The following ANO3 variants were observed in gnomAD, a reference collection of about 807,000 sequenced individuals.
The protein encoded by ANO3 is anoctamin-3.
A neutral mutation model predicts 144.8 loss-of-function variants in ANO3; 99 were observed. That is an observed-to-expected ratio of 0.68 (90% CI 0.58 to 0.81). The LOEUF (loss-of-function observed/expected upper bound fraction) is 0.81. ANO3 is among the 30% of genes least tolerant of loss of function. ANO3 has a pLI of 0.00. For missense variants in ANO3, 905 were observed against 1,202.2 expected (o/e 0.75, Z 3.66); for synonymous variants, 414 against 392.6 (o/e 1.05, Z -0.64).
upstream of ANO3, among the ~76,000 whole-genome samples, chr11:26,305,361 T>C (rs568405607): frequency 1.3e-5 from 2 of 152,226 alleles, no homozygotes; most frequent in African/African-American, 4.8e-5. Context: ...CTGGCCTTCC[T>C]TCCCAAAACT....
chr11:26,456,232 A>G (rs1355146605), intron 3 of ANO3, among the ~76,000 whole-genome samples: 1 of 152,216 alleles, frequency 6.6e-6, no homozygotes, highest in East Asian at 1.9e-4. Context: ...ATGGGATCTA[A>G]TTAAACTAAA....
intron 3 of ANO3, among the ~76,000 whole-genome samples, chr11:26,454,536 G>C (rs937821543): frequency 6.6e-6 from 1 of 152,120 alleles, no homozygotes; most frequent in African/African-American, 2.4e-5. Context: ...GGAAGAAGTT[G>C]AATCTCTGAA....
intron 1 of ANO3, among the ~76,000 whole-genome samples, chr11:26,227,306 G>T (rs2133798483): frequency 6.6e-6 from 1 of 152,226 alleles, no homozygotes; most frequent in South Asian, 2.1e-4. Context: ...GCATTTGCTA[G>T]ACTTCATTTT....
chr11:26,499,100 T>C (rs910199702), intron 4 of ANO3, among the ~76,000 whole-genome samples: 1 of 151,976 alleles, frequency 6.6e-6, no homozygotes. Context: ...ATTTCTTCTT[T>C]TATTAAATAC....
intron 1 of ANO3, among the ~76,000 whole-genome samples, chr11:26,190,025 T>C (rs1851445164): frequency 1.3e-5 from 2 of 152,166 alleles, no homozygotes; most frequent in South Asian, 2.1e-4. Context: ...AGTGAATTAA[T>C]TGTGCTTTGT....
intron 1 of ANO3, among the ~76,000 whole-genome samples, chr11:26,347,995 A>G (rs772272599): frequency 3.3e-5 from 5 of 152,194 alleles, no homozygotes; most frequent in African/African-American, 1.2e-4. Context: ...TGAAGAAAAA[A>G]GGTATAAATG....
chr11:26,288,328 A>G (rs1371290512), intron 1 of ANO3, among the ~76,000 whole-genome samples: 2 of 152,236 alleles, frequency 1.3e-5, no homozygotes, highest in African/African-American at 4.8e-5. Context: ...GACATTTGAC[A>G]GACTGGTTGT....
intron 13 of ANO3, among the ~76,000 whole-genome samples, chr11:26,557,800 A>AT (rs1321438454): frequency 6.6e-6 from 1 of 152,158 alleles, no homozygotes; most frequent in Admixed American, 6.6e-5. Flanking sequence ...TCAGCAGCTC[A>AT]TATGTCAGCA....
rs185751667 is a variant in ANO3 at position 26,584,219 on chromosome 11, C to T, written c.1448-14146C>T. On this transcript the variant is annotated intron_variant, in intron 14 of 26. Coordinates refer to ENST00000256737, the MANE Select transcript of ANO3 (RefSeq NM_031418.4). ...CTATCGCCAGGCTGGAGTGCAATGG[C>T]ATGATCTCGGCTCACTGCAACCTCC... 1.8e-3 allele frequency among the ~76,000 whole-genome samples: 272 copies of T among 152,198 alleles called. 6 individuals are homozygous for T. The highest frequency in any genetic ancestry group is 0.017 in the Admixed American group (257 of 15,292).
intron 14 of ANO3, among the ~76,000 whole-genome samples, chr11:26,589,672 A>G (rs1851389021): frequency 6.6e-6 from 1 of 152,134 alleles, no homozygotes; most frequent in Non-Finnish European, 1.5e-5. Context: ...TGGGCATTTC[A>G]TGTAAGCAGA....
chr11:26,484,756 C>T (rs1162117560), intron 4 of ANO3, among the ~76,000 whole-genome samples: 2 of 152,208 alleles, frequency 1.3e-5, no homozygotes, highest in Non-Finnish European at 2.9e-5. Flanking sequence ...CCCAAGAAAG[C>T]AGCCACAAGG....
At chr11:26,519,359 G>A (rs116996926) in intron 6 of ANO3, among the ~76,000 whole-genome samples, 16,743 of 151,974 alleles carry the variant, frequency 0.11, 1,284 homozygotes, top group Admixed American at 0.15. Context: ...TTTTATTTCC[G>A]TTGTTGGCAT....
chr11:26,370,585 G>C (rs1168381775), intron 1 of ANO3, among the ~76,000 whole-genome samples: 3 of 152,140 alleles, frequency 2.0e-5, no homozygotes, highest in Non-Finnish European at 4.4e-5. Context: ...GAGAAAGTTT[G>C]AAACTTCTTA....
chr11:26,606,595 T>C (rs1299787809), intron 17 of ANO3, among the ~76,000 whole-genome samples: 1 of 135,660 alleles, frequency 7.4e-6, no homozygotes, highest in Admixed American at 7.1e-5. Flanking sequence ...TTGCAATCCC[T>C]GCTTTTTTTT....
intron 7 of ANO3, among the ~76,000 whole-genome samples, chr11:26,528,220 G>A (rs1004950025): frequency 2.0e-5 from 3 of 152,084 alleles, no homozygotes; most frequent in African/African-American, 7.2e-5. Flanking sequence ...TCTGTGCCCC[G>A]TGGTGTCAGA....
At chr11:26,274,278 C>T (rs1195410869) in intron 1 of ANO3, among the ~76,000 whole-genome samples, 1 of 151,930 alleles carries the variant, frequency 6.6e-6, no homozygotes, top group Non-Finnish European at 1.5e-5. Context: ...TAAATTTTAA[C>T]AATATACAAA....
intron 1 of ANO3, among the ~76,000 whole-genome samples, chr11:26,349,837 C>G (rs928355512): frequency 4.0e-4 from 61 of 152,268 alleles, no homozygotes; most frequent in African/African-American, 1.3e-3. Flanking sequence ...CGTGAGCTAC[C>G]ACGCCCGGCC....
chr11:26,227,362 C>T (rs111366294), intron 1 of ANO3, among the ~76,000 whole-genome samples: 2 of 152,246 alleles, frequency 1.3e-5, no homozygotes, highest in African/African-American at 4.8e-5. Flanking sequence ...ATTTAGAAGC[C>T]TCTTCCTTTG....
intron 1 of ANO3, among the ~76,000 whole-genome samples, chr11:26,426,043 T>G (rs1486536322): frequency 6.6e-6 from 1 of 152,146 alleles, no homozygotes; most frequent in Non-Finnish European, 1.5e-5. Context: ...CTTTTATTAT[T>G]GATGTAAAAT....
Sources: allele counts gnomAD v4.1 joint callset (sites outside exome capture counted in the v4.1 genomes callset), GRCh38; gene constraint gnomAD v4.1.1; transcripts MANE v1.5; gene names NCBI Gene and HGNC (gene_info 2026-07-23, HGNC 2026-07-21).